BTD: variants seen among roughly 807,000 people sequenced by gnomAD.
BTD encodes the protein biotinidase.
Under a neutral mutation model 17.7 loss-of-function variants are expected in BTD, and 13 were observed. The observed-to-expected ratio is 0.74, with a 90% confidence interval of 0.48 to 1.17. The LOEUF (loss-of-function observed/expected upper bound fraction) is 1.17. Ranked by LOEUF, BTD falls within the 50% of genes most tolerant of loss-of-function variation. The pLI, the probability that BTD is intolerant of heterozygous loss-of-function variation, is 0.00. For synonymous variants in BTD, 240 were observed against 245.2 expected (o/e 0.98, Z 0.20); for missense variants, 674 against 650.4 (o/e 1.04, Z -0.39).
At chr3:15,612,343 T>C (rs1306580317) in intron 1 of BTD, among the ~76,000 whole-genome samples, 1 of 152,196 alleles carries the variant, frequency 6.6e-6, no homozygotes, top group South Asian at 2.1e-4. Context: ...TTCATACCTA[T>C]TATCTGGTTT....
chr3:15,685,661 G>A (rs2068025205), intron 3 of BTD, among the ~76,000 whole-genome samples: 3 of 151,986 alleles, frequency 2.0e-5, no homozygotes, highest in African/African-American at 7.3e-5. Flanking sequence ...TATGAAAACA[G>A]GAAGAGAGAA....
At chr3:15,710,913 T>C (rs539033843) in exon 4 of BTD, among the ~76,000 whole-genome samples, 83 of 152,320 alleles carry the variant, frequency 5.4e-4, no homozygotes, top group African/African-American at 2.0e-3. Flanking sequence ...TGTTCTCATT[T>C]GAGAACATAC....
In BTD at chr3:15,602,000, G is replaced by C. The variant is rs539543123; in HGVS notation, c.-17+106G>C. ...ACTTGGGGAGGGCTGCGCAAAGGCT[G>C]CCGGGAGCTGGGAAGCCCGGCGCGC... On this transcript the variant is annotated intron_variant, in intron 1 of 3. Coordinates refer to ENST00000643237, the MANE Select transcript of BTD (RefSeq NM_001370658.1). The C allele has an allele frequency of 2.5e-4, 386 of 1,542,262 alleles. 1 individual carries two copies. Among genetic ancestry groups the C allele is most frequent in the Middle Eastern group, 1.7e-3 (7 of 4,180 alleles).
chr3:15,642,095 A>T, intron 3 of BTD, 38 bp downstream of exon 3: 1 of 1,612,560 alleles, frequency 6.2e-7, no homozygotes, highest in Non-Finnish European at 8.5e-7. Context: ...CTGAGGGTAC[A>T]CAGAGGTGAT....
rs145613646 is a variant in BTD, at chr3:15,605,660, T to TTA, written c.-17+3780_-17+3781dup. Among the ~76,000 whole-genome samples, 1,202 of 150,868 alleles carry TTA rather than the reference T, an allele frequency of 8.0e-3. 11 individuals are homozygous for TTA. The highest frequency in any genetic ancestry group is 0.026 in the African/African-American group (1,065 of 41,298). On this transcript the variant is annotated intron_variant, in intron 1 of 3. Transcript: ENST00000643237. ...TTAAATGTTAGATGAGTTTTGACAGTTATATATATATATATCTATGAAATC... is the reference window on the plus strand; with the variant it reads ...TTAAATGTTAGATGAGTTTTGACAGTTATATATATATATATATCTATGAAATC...
chr3:15,601,767 G>A lies in BTD; in HGVS notation c.-144G>A. 6.2e-7 allele frequency: 1 copy of A among 1,608,332 alleles called. No individual in the cohort carries two copies. Among genetic ancestry groups the A allele is most frequent in the South Asian group, 1.1e-5 (1 of 90,146 alleles). ...AGCAGGAGATTGCTGCCTATGCAAA[G>A]CAGGTAAGAAGCCGAACTCTGAGGC... is the stretch of plus-strand genomic sequence containing the variant. On this transcript the variant is annotated 5_prime_UTR_variant, in exon 1 of 4. Coordinates refer to ENST00000643237, the MANE Select transcript of BTD (RefSeq NM_001370658.1).
chr3:15,606,012 T>G, intron 1 of BTD, among the ~76,000 whole-genome samples: 1 of 127,334 alleles, frequency 7.9e-6, no homozygotes, highest in East Asian at 2.2e-4. Flanking sequence ...CACTGTACTC[T>G]AGCCTGGGTG....
downstream of BTD, among the ~76,000 whole-genome samples, chr3:15,715,754 G>T (rs889697971): frequency 6.6e-6 from 1 of 151,970 alleles, no homozygotes; most frequent in African/African-American, 2.4e-5. Context: ...CATCTTACTG[G>T]TCTGTTGTAC....
chr3:15,704,816 T>C (rs1300160257), intron 3 of BTD, among the ~76,000 whole-genome samples: 1 of 152,218 alleles, frequency 6.6e-6, no homozygotes, highest in Admixed American at 6.5e-5. Flanking sequence ...CTGTGGCTTA[T>C]ATTTTCCACT....
chr3:15,658,675 C>T (rs1373340443), downstream of BTD, among the ~76,000 whole-genome samples: 3 of 152,184 alleles, frequency 2.0e-5, no homozygotes, highest in Admixed American at 1.3e-4. Context: ...GCAAGGCACA[C>T]CTTCAATGCT....
At chr3:15,612,196 C>T (rs538990380) in intron 1 of BTD, among the ~76,000 whole-genome samples, 1 of 152,110 alleles carries the variant, frequency 6.6e-6, no homozygotes, top group African/African-American at 2.4e-5. Flanking sequence ...AAATATAATC[C>T]TCATGTTTAT....
chr3:15,614,673 C>T (rs1231768493), intron 1 of BTD, among the ~76,000 whole-genome samples: 1 of 150,614 alleles, frequency 6.6e-6, no homozygotes, highest in Non-Finnish European at 1.5e-5. Flanking sequence ...TCTTAGCTCA[C>T]TGCCACCTCC....
chr3:15,666,851 G>A (rs1028254081), intron 3 of BTD, among the ~76,000 whole-genome samples: 3 of 152,178 alleles, frequency 2.0e-5, no homozygotes, highest in Admixed American at 6.5e-5. Context: ...CTCAATGTCC[G>A]CACCTAGTCT....
Position 15,625,111 on chromosome 3 carries a change from C to T in BTD, c.-16-10313C>T, listed in dbSNP as rs563207135. On this transcript the variant is annotated intron_variant, in intron 1 of 3. Transcript: ENST00000643237. ...GTAATTTTTTGTTGGAAGTTGGACT[C>T]GATGTACTAAGTAAAGGAACAGCAG... Among the ~76,000 whole-genome samples the T allele has an allele frequency of 1.3e-3, 194 of 152,198 alleles. 1 individual carries two copies. Among genetic ancestry groups the T allele is most frequent in the African/African-American group, 3.9e-3 (162 of 41,510 alleles).
At chr3:15,700,263 C>T (rs1293293481) in intron 3 of BTD, among the ~76,000 whole-genome samples, 1 of 151,970 alleles carries the variant, frequency 6.6e-6, no homozygotes, top group Non-Finnish European at 1.5e-5. Flanking sequence ...CATGTGGACA[C>T]AGGGAGGGGA....
At chr3:15,641,791 T>A (rs1441865617) in intron 2 of BTD, 117 bp from the exon 3 acceptor site, 2 of 783,108 alleles carry the variant, frequency 2.6e-6, no homozygotes, top group African/African-American at 1.7e-5. Flanking sequence ...TGCCTCTGGT[T>A]CCTGCTACAG....
chr3:15,716,234 G>T (rs1040400876), downstream of BTD, among the ~76,000 whole-genome samples: 6 of 150,592 alleles, frequency 4.0e-5, no homozygotes, highest in African/African-American at 1.5e-4. Context: ...CACCCGCCTC[G>T]GCCTCCCAAA....
chr3:15,709,740 T>C lies in BTD; in HGVS notation c.400-320T>C, dbSNP rs746460948. ...AAGGTTTAGGCACTCCAAATTCCTA[T>C]TGAGAGAAAATACAGTTAGAAAACT... On this transcript the variant is annotated intron_variant, in intron 3 of 3. Transcript: ENST00000672141. 18 of 1,553,476 alleles carry C rather than the reference T, an allele frequency of 1.2e-5. No individual in the cohort carries two copies. The highest frequency in any genetic ancestry group is 1.4e-5 in the African/African-American group (1 of 72,938).
intron 3 of BTD, among the ~76,000 whole-genome samples, chr3:15,674,665 A>G (rs1278407824): frequency 1.3e-5 from 2 of 152,214 alleles, no homozygotes; most frequent in Non-Finnish European, 1.5e-5. Context: ...CTAGGGAGTC[A>G]ATGTAGATAG....
Sources: allele counts gnomAD v4.1 joint callset (sites outside exome capture counted in the v4.1 genomes callset), GRCh38; gene constraint gnomAD v4.1.1; transcripts MANE v1.5; gene names NCBI Gene and HGNC (gene_info 2026-07-23, HGNC 2026-07-21).